Variants in IL18RAP observed in about 807,000 individuals in gnomAD.
IL18RAP encodes the protein interleukin 18 receptor accessory protein, also known as interleukin-18 receptor accessory protein.
In IL18RAP, 37 loss-of-function variants were observed where a neutral mutation model predicts 58.1. The observed-to-expected ratio is 0.64, with a 90% CI of 0.49 to 0.84. The LOEUF (loss-of-function observed/expected upper bound fraction) is 0.84, where lower values mean the gene tolerates loss of function less well. IL18RAP is among the 40% of genes least tolerant of loss of function. The pLI is 0.00. For missense variants in IL18RAP, 667 were observed against 704.8 expected (o/e 0.95, Z 0.61); for synonymous variants, 268 against 257.5 (o/e 1.04, Z -0.39).
In IL18RAP at chr2:102,451,943, A is replaced by G. The variant is rs912437805; in HGVS notation, c.1562A>G (p.Glu521Gly). ...LIKFCYFQEP[E>G]SLPHLVKKAL... Reference sequence around the variant, plus strand: ...AAGTTCTGTTACTTCCAAGAGCCAGAGTCTCTACCTCATCTCGTGAAAAAA... The same window carrying G: ...AAGTTCTGTTACTTCCAAGAGCCAGGGTCTCTACCTCATCTCGTGAAAAAA... Residue 521 changes from glutamate to glycine, a missense_variant, in exon 10 of 10, where the codon GAG (glutamate) becomes GGG (glycine). Physicochemically the swap from Glu to Gly is moderately conservative, Grantham distance 98. Coordinates refer to ENST00000687160, the MANE Select transcript of IL18RAP (RefSeq NM_001393487.1). The G allele has an allele frequency of 6.2e-7, 1 of 1,614,206 alleles. No individual in the cohort carries two copies.
intron 1 of IL18RAP, 62 bp downstream of exon 1, chr2:102,423,409 T>C: frequency 7.7e-7 from 1 of 1,293,336 alleles, no homozygotes; most frequent in South Asian, 1.2e-5. Context: ...AAGTGATGGA[T>C]AACCTGATAT....
chr2:102,451,805 G>C lies in IL18RAP; in HGVS notation c.1424G>C (p.Arg475Thr). The C allele has an allele frequency of 6.2e-7, 1 of 1,613,814 alleles. No homozygotes were observed. The highest frequency in any genetic ancestry group is 8.5e-7 in the Non-Finnish European group (1 of 1,179,792). ...ATTGTGAGCATTATTAAGAGAAGCA[G>C]AAGAGGAATATTTATCTTGAGCCCC... ...EDIVSIIKRSRRGIFILSPNY... is the reference protein window; with the variant it reads ...EDIVSIIKRSTRGIFILSPNY... Residue 475 changes from arginine (R) to threonine (T), a missense_variant, in exon 10 of 10, where the codon AGA (arginine) becomes ACA (threonine). Physicochemically the swap from Arg to Thr is moderately conservative, Grantham distance 71. Transcript: ENST00000687160.
At chr2:102,444,455 C>T (rs559042144) in intron 6 of IL18RAP, among the ~76,000 whole-genome samples, 11 of 152,104 alleles carry the variant, frequency 7.2e-5, no homozygotes, top group Non-Finnish European at 1.3e-4. Context: ...CACTGGGAGG[C>T]GTGGTTACAG....
chr2:102,444,022 G>C (rs761233518), intron 6 of IL18RAP, among the ~76,000 whole-genome samples: 71 of 152,308 alleles, frequency 4.7e-4, no homozygotes, highest in Non-Finnish European at 1.0e-4. Flanking sequence ...AAAGGGCCTG[G>C]ATCCAGTGAT....
Position 102,424,431 on chromosome 2 carries a change from T to G in IL18RAP, c.579+17T>G. The G allele has an allele frequency of 6.3e-7, 1 of 1,598,256 alleles. No homozygotes were observed. The highest frequency in any genetic ancestry group is 8.5e-7 in the Non-Finnish European group (1 of 1,169,726). On this transcript the variant is annotated intron_variant, in intron 3 of 9. Coordinates refer to ENST00000687160, the MANE Select transcript of IL18RAP (RefSeq NM_001393487.1). ...TGGTACAAGGTAAGAGTGAATTCTC[T>G]AAAATTAATATAAGAGCATTGTTTT... is the stretch of plus-strand genomic sequence containing the variant.
At chr2:102,450,127 G>C (rs1190275610) in intron 8 of IL18RAP, among the ~76,000 whole-genome samples, 1 of 9,254 alleles carries the variant, frequency 1.1e-4, no homozygotes, top group Non-Finnish European at 2.3e-4. Flanking sequence ...CGAAGCCTGT[G>C]AGTTAAGTGT....
chr2:102,424,159 C>A lies in IL18RAP; in HGVS notation c.395+24C>A, dbSNP rs747185686. The A allele has an allele frequency of 2.6e-5, 42 of 1,605,884 alleles. No homozygotes were observed. In the South Asian group the frequency reaches 4.5e-4, roughly 17 times the overall value. On this transcript the variant is annotated intron_variant, in intron 2 of 9. Coordinates refer to ENST00000687160, the MANE Select transcript of IL18RAP (RefSeq NM_001393487.1). ...AAGTATGATCCAAATACATTTCTAT[C>A]TGAAAACATTTCCAAATCCTCTATT...
At chr2:102,418,915 T>C (rs11465673), upstream of IL18RAP, 11,944 of 152,378 alleles carry the variant, frequency 0.078, 563 homozygotes, top group Middle Eastern at 0.23. Context: ...CCTCTTTTTT[T>C]TATGTCTTAA....
chr2:102,447,087 C>T lies in IL18RAP; in HGVS notation c.1090C>T (p.Leu364=). The T allele has an allele frequency of 1.2e-6, 2 of 1,614,064 alleles. No individual in the cohort carries two copies. The highest frequency in any genetic ancestry group is 2.2e-5 in the East Asian group (1 of 44,874). The change falls in exon 8 of 10, where the codon CTG becomes TTG. Residue 364 remains leucine (L), a synonymous_variant. Transcript: ENST00000687160. ...CTCCACAGTGGTGCTCCTGTACATC[C>T]TGCTTGGCACCATCGGGACCCTGGT... ...EKRGVVLLYI[L]LGTIGTLVAV...
intron 3 of IL18RAP, 32 bp downstream of exon 3, chr2:102,424,446 A>G: frequency 1.9e-6 from 3 of 1,579,020 alleles, no homozygotes; most frequent in Non-Finnish European, 2.6e-6. Context: ...TTAATATAAG[A>G]GCATTGTTTT....
chr2:102,428,731 C>T (rs987435199), intron 3 of IL18RAP, among the ~76,000 whole-genome samples: 2 of 151,854 alleles, frequency 1.3e-5, no homozygotes, highest in Admixed American at 6.6e-5. Flanking sequence ...GCTAGGACTT[C>T]CAGTGCTATG....
At chr2:102,435,960 T>C (rs1054309519) in intron 3 of IL18RAP, among the ~76,000 whole-genome samples, 5 of 152,110 alleles carry the variant, frequency 3.3e-5, no homozygotes, top group African/African-American at 1.2e-4. Context: ...GCTTCACATA[T>C]GAGCAAAACC....
At chr2:102,435,843 ATTT>A (rs60082330) in intron 3 of IL18RAP, among the ~76,000 whole-genome samples, 30 of 137,584 alleles carry the variant, frequency 2.2e-4, no homozygotes, top group African/African-American at 2.4e-4. Flanking sequence ...CAGTGTCTTC[ATTT>A]TTTTTTTTTT....
rs190108989 is a variant in IL18RAP, at chr2:102,427,379, C to A, written c.579+2965C>A. Among the ~76,000 whole-genome samples, 16 of 152,006 alleles carry A rather than the reference C, an allele frequency of 1.1e-4. No individual in the cohort carries two copies. In the East Asian group the frequency reaches 2.9e-3, roughly 28 times the overall value. On this transcript the variant is annotated intron_variant, in intron 3 of 9. Coordinates refer to ENST00000687160, the MANE Select transcript of IL18RAP (RefSeq NM_001393487.1). ...AATTTACATTTCTACCAACAATGTA[C>A]AACAGATTAATTTTTTTGATAAAAG...
chr2:102,449,582 G>A (rs1009940731), intron 8 of IL18RAP, among the ~76,000 whole-genome samples: 1 of 152,108 alleles, frequency 6.6e-6, no homozygotes, highest in Non-Finnish European at 1.5e-5. Flanking sequence ...CCCTCTGTTG[G>A]CCAACCTAAC....
chr2:102,433,056 G>A (rs915031634), intron 3 of IL18RAP, among the ~76,000 whole-genome samples: 9 of 152,058 alleles, frequency 5.9e-5, no homozygotes, highest in Non-Finnish European at 7.3e-5. Context: ...CTAGGGCACC[G>A]AGATATGAGT....
At chr2:102,420,270 C>T (rs545685444), upstream of IL18RAP, among the ~76,000 whole-genome samples, 86 of 152,292 alleles carry the variant, frequency 5.6e-4, no homozygotes, top group South Asian at 1.0e-3. Flanking sequence ...AAAAGTGTCT[C>T]CCAGATGAGC....
chr2:102,422,046 C>T (rs1681606778), upstream of IL18RAP, among the ~76,000 whole-genome samples: 1 of 151,990 alleles, frequency 6.6e-6, no homozygotes, highest in African/African-American at 2.4e-5. Flanking sequence ...CTCCTGTCTT[C>T]CTGCATCATG....
chr2:102,446,791 T>C (rs1393787009), intron 7 of IL18RAP, among the ~76,000 whole-genome samples: 2 of 110,284 alleles, frequency 1.8e-5, no homozygotes, highest in Non-Finnish European at 3.6e-5. Context: ...ACAGACTCCG[T>C]CTCCAAAAAA....
Sources: allele counts gnomAD v4.1 joint callset (sites outside exome capture counted in the v4.1 genomes callset), GRCh38; gene constraint gnomAD v4.1.1; transcripts MANE v1.5; gene names NCBI Gene and HGNC (gene_info 2026-07-23, HGNC 2026-07-21).